The following NDRG3 variants were observed in gnomAD, a reference collection of about 807,000 sequenced individuals.
The protein encoded by NDRG3 is protein NDRG3.
A neutral mutation model predicts 57.2 loss-of-function variants in NDRG3; 23 were observed. That is an observed-to-expected ratio of 0.40 (90% CI 0.29 to 0.57). The LOEUF is 0.57. Among genes scored for constraint, NDRG3 ranks in the 20% least tolerant of loss-of-function variants. The pLI is 0.42. For synonymous variants in NDRG3, 132 were observed against 162.6 expected (o/e 0.81, Z 1.43); for missense variants, 384 against 457.3 (o/e 0.84, Z 1.46).
At chr20:36,700,509 G>C in intron 3 of NDRG3, 1 of 531,310 alleles carries the variant, frequency 1.9e-6, no homozygotes, top group South Asian at 1.4e-5. Flanking sequence ...ATCTGAAGAT[G>C]AATGTGCAGA....
chr20:36,658,099 T>A (rs781350317), intron 13 of NDRG3, among the ~76,000 whole-genome samples: 11 of 152,142 alleles, frequency 7.2e-5, no homozygotes, highest in Non-Finnish European at 1.3e-4. Context: ...GATTCAAACC[T>A]GAAATGAGAA....
At chr20:36,676,840 G>A (rs145782930) in intron 8 of NDRG3, among the ~76,000 whole-genome samples, 1 of 152,244 alleles carries the variant, frequency 6.6e-6, no homozygotes, top group African/African-American at 2.4e-5. Flanking sequence ...TGTGTGGCTG[G>A]GGCTGCACAC....
intron 1 of NDRG3, among the ~76,000 whole-genome samples, chr20:36,724,379 G>A (rs940090968): frequency 2.6e-5 from 4 of 152,048 alleles, no homozygotes; most frequent in Admixed American, 2.6e-4. Flanking sequence ...ACTTGATTGA[G>A]CTACTTAATG....
At chr20:36,663,752 G>A (rs1030738331) in intron 12 of NDRG3, among the ~76,000 whole-genome samples, 21 of 152,054 alleles carry the variant, frequency 1.4e-4, no homozygotes, top group African/African-American at 3.9e-4. Flanking sequence ...TCCATCCCAA[G>A]GAAATAATCA....
At chr20:36,709,616 T>C (rs879380456) in intron 2 of NDRG3, among the ~76,000 whole-genome samples, 2 of 152,216 alleles carry the variant, frequency 1.3e-5, no homozygotes, top group Non-Finnish European at 2.9e-5. Flanking sequence ...CCATGGCTCC[T>C]ACTAGCCCTA....
chr20:36,711,501 C>G (rs1026246204), intron 2 of NDRG3, among the ~76,000 whole-genome samples: 7 of 152,022 alleles, frequency 4.6e-5, no homozygotes, highest in African/African-American at 1.7e-4. Context: ...CAAATTCTGA[C>G]GAGCTCTTTG....
chr20:36,733,942 C>T (rs1348557863), intron 1 of NDRG3, among the ~76,000 whole-genome samples: 3 of 152,182 alleles, frequency 2.0e-5, no homozygotes, highest in African/African-American at 7.2e-5. Flanking sequence ...CATTACAGCA[C>T]TTTCCAATCT....
At chr20:36,666,489 C>A (rs969770920) in intron 9 of NDRG3, 97 bp from the exon 10 acceptor site, 4 of 857,070 alleles carry the variant, frequency 4.7e-6, no homozygotes, top group East Asian at 2.5e-5. Context: ...CCAAATCGTG[C>A]GGCTCATGAT....
chr20:36,682,753 T>C (rs1981416893), intron 6 of NDRG3, among the ~76,000 whole-genome samples, 175 bp from the exon 7 acceptor site: 1 of 152,190 alleles, frequency 6.6e-6, no homozygotes, highest in Admixed American at 6.5e-5. Context: ...GTTCCTTATT[T>C]ATAAAACAAG....
chr20:36,688,850 C>T, intron 3 of NDRG3, 66 bp from the exon 4 acceptor site: 2 of 1,126,938 alleles, frequency 1.8e-6, no homozygotes, highest in Non-Finnish European at 2.7e-6. Flanking sequence ...CAAAGTTTCA[C>T]AATACCTGCT....
At chr20:36,680,758 G>C in intron 8 of NDRG3, 58 bp downstream of exon 8, 1 of 1,370,422 alleles carries the variant, frequency 7.3e-7, no homozygotes, top group Non-Finnish European at 1.0e-6. Flanking sequence ...TGAAAAACTG[G>C]TAAGCTGTTT....
At chr20:36,717,018 A>G (rs1182280366) in intron 2 of NDRG3, among the ~76,000 whole-genome samples, 1 of 152,244 alleles carries the variant, frequency 6.6e-6, no homozygotes, top group African/African-American at 2.4e-5. Flanking sequence ...GAAGATTAAA[A>G]TAAGATATTA....
intron 2 of NDRG3, among the ~76,000 whole-genome samples, chr20:36,707,433 CA>C (rs1383921924): frequency 6.6e-6 from 1 of 151,970 alleles, no homozygotes; most frequent in Non-Finnish European, 1.5e-5. Flanking sequence ...GGTGCAGAAC[CA>C]GGAATTAAAT....
chr20:36,716,057 T>C (rs563085113), intron 2 of NDRG3, among the ~76,000 whole-genome samples: 1 of 152,262 alleles, frequency 6.6e-6, no homozygotes, highest in African/African-American at 2.4e-5. Context: ...ATTGTGCCAC[T>C]GGACTCCAGC....
chr20:36,737,278 A>T (rs1053477161), intron 1 of NDRG3, among the ~76,000 whole-genome samples: 11 of 151,826 alleles, frequency 7.2e-5, no homozygotes, highest in Admixed American at 2.0e-4. Flanking sequence ...CCTGCCTTCC[A>T]CTCCTGAAGA....
intron 1 of NDRG3, among the ~76,000 whole-genome samples, chr20:36,740,096 G>A (rs992721900): frequency 3.9e-5 from 6 of 151,968 alleles, no homozygotes; most frequent in African/African-American, 9.7e-5. Context: ...AAAGCCTGGC[G>A]GAAACCACCA....
chr20:36,722,471 A>G (rs1984650759), intron 1 of NDRG3, among the ~76,000 whole-genome samples: 1 of 152,246 alleles, frequency 6.6e-6, no homozygotes, highest in Admixed American at 6.5e-5. Context: ...TACAATTAAT[A>G]CAATAGTCTT....
At chr20:36,675,393 G>A (rs6513631) in intron 8 of NDRG3, among the ~76,000 whole-genome samples, 1 of 96,424 alleles carries the variant, frequency 1.0e-5, no homozygotes, top group African/African-American at 3.5e-5. Context: ...GTTTTTTTTT[G>A]GGGGGTGGGG....
At chr20:36,698,437 T>TA (rs1166432997) in intron 3 of NDRG3, among the ~76,000 whole-genome samples, 1 of 151,912 alleles carries the variant, frequency 6.6e-6, no homozygotes, top group Non-Finnish European at 1.5e-5. Context: ...AAAAAATTTT[T>TA]AAAAAATAGC....
Sources: gnomAD v4.1 joint callset for allele counts (sites outside exome capture counted in the v4.1 genomes callset) on GRCh38, gnomAD v4.1.1 for gene constraint, MANE v1.5 for transcripts, NCBI Gene and HGNC (gene_info 2026-07-23, HGNC 2026-07-21) for gene names.